SPMAP2L: variants seen among roughly 807,000 people sequenced by gnomAD.
SPMAP2L encodes sperm microtubule associated protein 2 like.
the SPMAP2L span, among the ~76,000 whole-genome samples, chr4:56,534,657 T>C: frequency 3.3e-5 from 5 of 152,220 alleles, no homozygotes; most frequent in Admixed American, 2.6e-4. Flanking sequence ...CTGGGTGCAG[T>C]GGCTTACGCC....
chr4:56,612,797 C>A, the SPMAP2L span, among the ~76,000 whole-genome samples: 1 of 151,786 alleles, frequency 6.6e-6, no homozygotes, highest in African/African-American at 2.4e-5. Flanking sequence ...GAACTCCTGA[C>A]CTCAAGTGAT....
At chr4:56,581,539 G>A in the SPMAP2L span, among the ~76,000 whole-genome samples, 2 of 152,058 alleles carry the variant, frequency 1.3e-5, no homozygotes, top group South Asian at 2.1e-4. Flanking sequence ...AGGATTGCTT[G>A]AGCCTGGGAG....
At chr4:56,618,058 G>C in the SPMAP2L span, among the ~76,000 whole-genome samples, 1 of 151,956 alleles carries the variant, frequency 6.6e-6, no homozygotes, top group South Asian at 2.1e-4. Context: ...GCTTTTACAT[G>C]GCCAGGGTGG....
the SPMAP2L span, among the ~76,000 whole-genome samples, chr4:56,536,638 C>A: frequency 3.7e-4 from 57 of 152,314 alleles, 4 homozygotes; most frequent in Admixed American, 3.3e-3. Context: ...ATGGTTTCTT[C>A]TCTATCGTTA....
At chr4:56,536,310 A>G in the SPMAP2L span, among the ~76,000 whole-genome samples, 2 of 152,210 alleles carry the variant, frequency 1.3e-5, no homozygotes, top group African/African-American at 4.8e-5. Context: ...TTTGCTCTGC[A>G]GGCACATGGG....
chr4:56,553,434 C>T, the SPMAP2L span, among the ~76,000 whole-genome samples: 1 of 151,422 alleles, frequency 6.6e-6, no homozygotes, highest in South Asian at 2.1e-4. Context: ...CTTAAGTGAT[C>T]CTCCCATCTT....
At chr4:56,593,526 C>CCACACAG in the SPMAP2L span, 1 of 1,597,490 alleles carries the variant, frequency 6.3e-7, no homozygotes, top group African/African-American at 1.3e-5. Context: ...GCCTGGCCTG[C>CCACACAG]TGTGTGTGCT....
chr4:56,624,876 C>A, the SPMAP2L span, among the ~76,000 whole-genome samples: 1 of 152,168 alleles, frequency 6.6e-6, no homozygotes, highest in Non-Finnish European at 1.5e-5. Flanking sequence ...AGCCCCCACA[C>A]AGAGTCCCTA....
the SPMAP2L span, among the ~76,000 whole-genome samples, chr4:56,575,248 C>CAA: frequency 5.8e-4 from 81 of 140,050 alleles, no homozygotes; most frequent in Middle Eastern, 3.7e-3. Context: ...GACTCCATCT[C>CAA]AAAAAAAAAA....
chr4:56,543,889 AGAGAGAGTGTGTGT>A, the SPMAP2L span, among the ~76,000 whole-genome samples: 2,715 of 130,184 alleles, frequency 0.021, 86 homozygotes, highest in African/African-American at 0.074. Context: ...AGAGAGAGAG[AGAGAGAGTGTGTGT>A]GTGTGTGTGT....
the SPMAP2L span, among the ~76,000 whole-genome samples, chr4:56,557,176 G>A: frequency 6.6e-6 from 1 of 151,896 alleles, no homozygotes; most frequent in Non-Finnish European, 1.5e-5. Flanking sequence ...TTAAGCCTGG[G>A]AGGCTGAGGT....
chr4:56,602,314 T>C, the SPMAP2L span, among the ~76,000 whole-genome samples: 1 of 152,172 alleles, frequency 6.6e-6, no homozygotes, highest in African/African-American at 2.4e-5. Context: ...TCTTATATAA[T>C]GACATGTTTA....
At chr4:56,581,632 G>GA in the SPMAP2L span, among the ~76,000 whole-genome samples, 153 of 150,452 alleles carry the variant, frequency 1.0e-3, no homozygotes, top group African/African-American at 3.6e-3. Context: ...AAAAAAAAAA[G>GA]AATAATTCCA....
At chr4:56,571,337 T>TC in the SPMAP2L span, among the ~76,000 whole-genome samples, 4 of 151,734 alleles carry the variant, frequency 2.6e-5, no homozygotes, top group African/African-American at 9.7e-5. Flanking sequence ...TTTTTTTTTT[T>TC]CAGAGGTCTT....
At chr4:56,584,966 C>A in the SPMAP2L span, among the ~76,000 whole-genome samples, 1 of 152,124 alleles carries the variant, frequency 6.6e-6, no homozygotes, top group East Asian at 1.9e-4. Context: ...TGGAATATGT[C>A]TATGATAGGG....
chr4:56,551,039 C>G, the SPMAP2L span, among the ~76,000 whole-genome samples: 1 of 151,942 alleles, frequency 6.6e-6, no homozygotes, highest in Non-Finnish European at 1.5e-5. Flanking sequence ...CCCCTACTGC[C>G]TCCTCCCACG....
the SPMAP2L span, chr4:56,594,210 C>T: frequency 9.3e-6 from 15 of 1,610,124 alleles, no homozygotes; most frequent in Middle Eastern, 1.7e-4. Context: ...AGGACCAGCC[C>T]GTTCCTCACC....
chr4:56,552,470 C>G, the SPMAP2L span: 1 of 654,720 alleles, frequency 1.5e-6, no homozygotes, highest in Non-Finnish European at 2.6e-6. Context: ...TTTTTTCCCC[C>G]CTCCTATGAG....
At chr4:56,530,702 C>A in the SPMAP2L span, 1 of 1,535,306 alleles carries the variant, frequency 6.5e-7, no homozygotes. Context: ...TTTCTAAGTT[C>A]ATCTGCGCCG....
Sources: gnomAD v4.1 joint callset for allele counts (sites outside exome capture counted in the v4.1 genomes callset) on GRCh38, gnomAD v4.1.1 for gene constraint, MANE v1.5 for transcripts, NCBI Gene and HGNC (gene_info 2026-07-23, HGNC 2026-07-21) for gene names.